The following GALNT18 variants were observed in gnomAD, a reference collection of about 807,000 sequenced individuals.
GALNT18 encodes GalNAc-transferase 18.
Under a neutral mutation model 69.5 loss-of-function variants are expected in GALNT18, and 44 were observed. The ratio of observed to expected loss-of-function variants is 0.63; its 90% CI spans 0.50 to 0.81. The LOEUF (loss-of-function observed/expected upper bound fraction) is 0.81, where lower values mean the gene tolerates loss of function less well. Ranked by LOEUF, GALNT18 falls within the 40% of genes least tolerant of loss-of-function variation. The pLI is 0.00. For synonymous variants in GALNT18, 364 were observed against 318.2 expected (o/e 1.14, Z -1.53); for missense variants, 715 against 810.0 (o/e 0.88, Z 1.42).
intron 1 of GALNT18, among the ~76,000 whole-genome samples, chr11:11,504,248 C>T (rs1386487638): frequency 1.3e-5 from 2 of 152,142 alleles, no homozygotes; most frequent in East Asian, 3.9e-4. Flanking sequence ...GGATCAGAGC[C>T]AACAGCTGCA....
At chr11:11,333,727 C>T (rs1339348716) in intron 7 of GALNT18, among the ~76,000 whole-genome samples, 1 of 151,990 alleles carries the variant, frequency 6.6e-6, no homozygotes, top group Non-Finnish European at 1.5e-5. Flanking sequence ...GGTGCAGCAG[C>T]CAGGGAGCAG....
At chr11:11,508,906 A>G (rs745805490) in intron 1 of GALNT18, among the ~76,000 whole-genome samples, 4 of 152,208 alleles carry the variant, frequency 2.6e-5, no homozygotes, top group African/African-American at 7.2e-5. Context: ...TTGGTTTACA[A>G]TAACAAAGAG....
Position 11,501,822 on chromosome 11 carries a change from C to A in GALNT18, c.236-52886G>T, listed in dbSNP as rs1483182304. On this transcript the variant is annotated intron_variant, in intron 1 of 10. Coordinates refer to ENST00000227756, the MANE Select transcript of GALNT18 (RefSeq NM_198516.3). ...ACTCCAAGTTGCGAAGATGCCTGTC[C>A]TTTTTCCATTTATTGACTGCCTCGC... 2.0e-5 allele frequency among the ~76,000 whole-genome samples: 3 copies of A among 152,184 alleles called. No individual in the cohort carries two copies. In the East Asian group the frequency reaches 5.8e-4, roughly 29 times the overall value.
At chr11:11,423,311 C>A (rs1056220793) in intron 3 of GALNT18, among the ~76,000 whole-genome samples, 5 of 152,208 alleles carry the variant, frequency 3.3e-5, no homozygotes, top group Admixed American at 2.0e-4. Flanking sequence ...CATACATGAA[C>A]AGAGTACTTG....
Position 11,387,016 on chromosome 11 carries a change from C to T in GALNT18, c.596-7752G>A, listed in dbSNP as rs567002904. Reference sequence around the variant, plus strand: ...GTGAGATTCTGACGGATGGGCCAAACTTGGTTACAACTGAAATACAAAGGT... The same window carrying T: ...GTGAGATTCTGACGGATGGGCCAAATTTGGTTACAACTGAAATACAAAGGT... On this transcript the variant is annotated intron_variant, in intron 3 of 10. Coordinates refer to ENST00000227756, the MANE Select transcript of GALNT18 (RefSeq NM_198516.3). The surrounding 1 kb of genome is among the most constrained non-coding windows in gnomAD (Gnocchi z 4.6). Among the ~76,000 whole-genome samples, 17 of 152,328 alleles carry T rather than the reference C, an allele frequency of 1.1e-4. No individual in the cohort carries two copies. Among genetic ancestry groups the T allele is most frequent in the African/African-American group, 4.1e-4 (17 of 41,576 alleles).
intron 2 of GALNT18, among the ~76,000 whole-genome samples, chr11:11,443,052 C>T (rs574322539): frequency 1.2e-4 from 19 of 152,332 alleles, no homozygotes; most frequent in East Asian, 1.2e-3. Flanking sequence ...TCCACACCCA[C>T]GATCCCTTAG....
rs138083152 is a variant in GALNT18 at position 11,286,518 on chromosome 11, A to C, written c.1677+6511T>G. Among the ~76,000 whole-genome samples, 182 of 152,180 alleles carry C rather than the reference A, an allele frequency of 1.2e-3. 1 individual carries two copies. Among genetic ancestry groups the C allele is most frequent in the Middle Eastern group, 0.01 (3 of 294 alleles). On this transcript the variant is annotated intron_variant, in intron 10 of 10. Transcript: ENST00000227756. ...TTTTTTTTTTCTCCAGTGAGCATGC[A>C]TGCATCCGAGGACGGTCATTGAGGT...
rs1850925379 is a variant in GALNT18 at position 11,372,245 on chromosome 11, T to C, written c.1092+270A>G. 6.6e-6 allele frequency among the ~76,000 whole-genome samples: 1 copy of C among 152,156 alleles called. No individual in the cohort carries two copies. Among genetic ancestry groups the C allele is most frequent in the Admixed American group, 6.5e-5 (1 of 15,276 alleles). ...TTGCTCACTCTGATGGGCCTCAGTT[T>C]GATTTTAAAAGAGGCTGTTCCCTTG... is the stretch of plus-strand genomic sequence containing the variant. On this transcript the variant is annotated intron_variant, in intron 6 of 10. Transcript: ENST00000227756. This position sits in a 1 kb window ranked among gnomAD's most constrained non-coding sequence, Gnocchi z 4.9.
chr11:11,557,320 A>G (rs948086249), intron 1 of GALNT18, among the ~76,000 whole-genome samples: 4 of 152,192 alleles, frequency 2.6e-5, no homozygotes, highest in African/African-American at 9.6e-5. Context: ...CCGCATTTTT[A>G]AAAGCATAAA....
At chr11:11,530,722 C>T (rs924118290) in intron 1 of GALNT18, among the ~76,000 whole-genome samples, 1 of 152,202 alleles carries the variant, frequency 6.6e-6, no homozygotes, top group Non-Finnish European at 1.5e-5. Flanking sequence ...GTTCACGACC[C>T]AAAGCCATTC....
rs1167270878 is a variant in GALNT18, at chr11:11,315,835, A to G, written c.1512+11251T>C. 6.6e-6 allele frequency among the ~76,000 whole-genome samples: 1 copy of G among 152,004 alleles called. No individual in the cohort carries two copies. The highest frequency in any genetic ancestry group is 1.5e-5 in the Non-Finnish European group (1 of 68,004). ...CTCATGTCCACACTCTTTCTACCAC[A>G]TTGCACATCCACCACTACCCTGCAC... On this transcript the variant is annotated intron_variant, in intron 9 of 10. Transcript: ENST00000227756. This position sits in a 1 kb window ranked among gnomAD's most constrained non-coding sequence, Gnocchi z 5.6.
chr11:11,578,853 C>A (rs1440817354), intron 1 of GALNT18, among the ~76,000 whole-genome samples: 3 of 152,232 alleles, frequency 2.0e-5, no homozygotes, highest in Non-Finnish European at 4.4e-5. Context: ...TTCCTAAAAA[C>A]CACCTTCTGA....
At chr11:11,373,305 A>G (rs1850957111) in intron 5 of GALNT18, among the ~76,000 whole-genome samples, 1 of 152,188 alleles carries the variant, frequency 6.6e-6, no homozygotes, top group Non-Finnish European at 1.5e-5. Context: ...GAGTCAGAGT[A>G]TCAGGAACAG....
At chr11:11,344,866 C>A (rs1487203519) in intron 6 of GALNT18, among the ~76,000 whole-genome samples, 3 of 2,290 alleles carry the variant, frequency 1.3e-3, no homozygotes, top group African/African-American at 2.2e-3. Context: ...GGCTATGTAA[C>A]CTCTTGGCTA....
intron 1 of GALNT18, among the ~76,000 whole-genome samples, chr11:11,532,033 A>C (rs2133943361): frequency 6.6e-6 from 1 of 152,286 alleles, no homozygotes; most frequent in East Asian, 1.9e-4. Flanking sequence ...TGAACTTTCA[A>C]GGCTGACAGC....
rs1854826182 is a variant in GALNT18, at chr11:11,415,172, G to T, written c.595+17449C>A. Among the ~76,000 whole-genome samples the T allele has an allele frequency of 6.6e-6, 1 of 152,298 alleles. No homozygotes were observed. The highest frequency in any genetic ancestry group is 1.5e-5 in the Non-Finnish European group (1 of 68,028). On this transcript the variant is annotated intron_variant, in intron 3 of 10. Transcript: ENST00000227756. This position sits in a 1 kb window ranked among gnomAD's most constrained non-coding sequence, Gnocchi z 4.1. ...ACTTCCCCTTCTGCCATCAGCTAGA[G>T]AACACTCTGCTTTCAGAAGGTTCAT...
chr11:11,437,405 T>G (rs994939313), intron 2 of GALNT18, among the ~76,000 whole-genome samples: 2 of 152,086 alleles, frequency 1.3e-5, no homozygotes, highest in African/African-American at 4.8e-5. Context: ...CATGACAGAC[T>G]CCATTCTATT....
intron 1 of GALNT18, among the ~76,000 whole-genome samples, chr11:11,464,111 C>A (rs889966683): frequency 1.4e-4 from 21 of 152,196 alleles, no homozygotes; most frequent in Admixed American, 3.9e-4. Context: ...TCTCTGTCAG[C>A]CATGGGCTTT....
At chr11:11,612,493 C>A (rs1021229672) in intron 1 of GALNT18, among the ~76,000 whole-genome samples, 1 of 152,194 alleles carries the variant, frequency 6.6e-6, no homozygotes, top group Non-Finnish European at 1.5e-5. Context: ...TGGTACTGTT[C>A]TCCTAAATCC....
Sources: gnomAD v4.1 joint callset for allele counts (sites outside exome capture counted in the v4.1 genomes callset) on GRCh38, gnomAD v4.1.1 for gene constraint, Gnocchi (gnomAD v3.1) non-coding constraint, MANE v1.5 for transcripts, NCBI Gene and HGNC (gene_info 2026-07-23, HGNC 2026-07-21) for gene names.